XRRA1: variants seen among roughly 807,000 people sequenced by gnomAD.
XRRA1 encodes the protein X-ray radiation resistance associated 1.
In XRRA1, 69 loss-of-function variants were observed where a neutral mutation model predicts 80.2. That is an observed-to-expected ratio of 0.86 (90% CI 0.71 to 1.05). The LOEUF (loss-of-function observed/expected upper bound fraction) is 1.05, where lower values mean the gene tolerates loss of function less well. XRRA1 is among the 50% of genes least tolerant of loss of function. The probability of loss-of-function intolerance (pLI) is 0.00; values close to 1 mark genes in which losing one functional copy is unlikely to be tolerated. For missense variants in XRRA1, 967 were observed against 976.4 expected, an observed-to-expected ratio of 0.99 and a Z score of 0.13; for synonymous variants, 348 against 389.9, an observed-to-expected ratio of 0.89 and a Z score of 1.27.
chr11:74,853,100 T>A (rs2040274646), intron 12 of XRRA1, among the ~76,000 whole-genome samples: 1 of 152,228 alleles, frequency 6.6e-6, no homozygotes, highest in South Asian at 2.1e-4. Context: ...ACACAATTTC[T>A]GCCCTCAGAG....
rs573073703 is a variant in XRRA1 at position 74,876,109 on chromosome 11, TTAGTC to T, written c.1004-13093_1004-13089del. Among the ~76,000 whole-genome samples, 9 of 152,320 alleles carry T rather than the reference TTAGTC, an allele frequency of 5.9e-5. No individual in the cohort carries two copies. The South Asian group carries it at 1.7e-3, about 28-fold the overall frequency. On this transcript the variant is annotated intron_variant, in intron 10 of 18. Coordinates refer to ENST00000684022, the MANE Select transcript of XRRA1 (RefSeq NM_001378157.1). ...TTACTTAATGAAATAACTCCCCACT[TTAGTC>T]TACCTAAGTGCCTTCAAGGTCACAA...
At chr11:74,869,148 A>C (rs2044185982) in intron 10 of XRRA1, among the ~76,000 whole-genome samples, 1 of 152,198 alleles carries the variant, frequency 6.6e-6, no homozygotes, top group African/African-American at 2.4e-5. Context: ...CATACTAACC[A>C]CACTCTTGGA....
intron 8 of XRRA1, chr11:74,919,880 C>A: frequency 2.5e-6 from 1 of 399,406 alleles, no homozygotes; most frequent in South Asian, 2.2e-5. Flanking sequence ...GATGAAGATT[C>A]ACCAAATAAG....
chr11:74,927,547 T>C, intron 6 of XRRA1, 59 bp from the exon 7 acceptor site: 1 of 1,179,662 alleles, frequency 8.5e-7, no homozygotes, highest in Non-Finnish European at 1.3e-6. Context: ...GAGAAAGATA[T>C]TAATAATTAC....
intron 12 of XRRA1, among the ~76,000 whole-genome samples, chr11:74,858,867 A>C (rs2041711773): frequency 6.6e-6 from 1 of 152,154 alleles, no homozygotes; most frequent in Non-Finnish European, 1.5e-5. Context: ...TCTTCCTTAT[A>C]GGTGATAAGT....
chr11:74,947,620 T>C (rs559293022), intron 1 of XRRA1, among the ~76,000 whole-genome samples: 3 of 152,244 alleles, frequency 2.0e-5, no homozygotes, highest in African/African-American at 4.8e-5. Context: ...AAATGAGAAG[T>C]TGTAAAAGAT....
chr11:74,895,654 G>GAA (rs2052111586), intron 10 of XRRA1, among the ~76,000 whole-genome samples: 1 of 152,206 alleles, frequency 6.6e-6, no homozygotes, highest in African/African-American at 2.4e-5. Context: ...TTCACAGCAA[G>GAA]AAAAGTGTCT....
intron 8 of XRRA1, among the ~76,000 whole-genome samples, chr11:74,908,876 G>GCTA (rs1397000784): frequency 6.6e-6 from 1 of 152,120 alleles, no homozygotes; most frequent in Non-Finnish European, 1.5e-5. Context: ...AGTAGCTATA[G>GCTA]GCAGCCATGT....
At chr11:74,868,159 T>A (rs1397273407) in intron 10 of XRRA1, among the ~76,000 whole-genome samples, 2 of 152,152 alleles carry the variant, frequency 1.3e-5, no homozygotes, top group Non-Finnish European at 2.9e-5. Context: ...CCTCAAGTGA[T>A]CCACCTGCCT....
intron 4 of XRRA1, among the ~76,000 whole-genome samples, chr11:74,934,151 A>G (rs1387359444): frequency 6.6e-6 from 1 of 152,188 alleles, no homozygotes; most frequent in Non-Finnish European, 1.5e-5. Flanking sequence ...CCTCTTTTTA[A>G]TGAGAAAAAC....
chr11:74,868,638 G>A (rs541623877), intron 10 of XRRA1, among the ~76,000 whole-genome samples: 89 of 151,826 alleles, frequency 5.9e-4, no homozygotes, highest in African/African-American at 2.0e-3. Context: ...GAAAGCAAAC[G>A]GATGGAGAAA....
chr11:74,912,871 G>T (rs560251140), intron 8 of XRRA1, among the ~76,000 whole-genome samples: 1 of 152,190 alleles, frequency 6.6e-6, no homozygotes, highest in Admixed American at 6.5e-5. Flanking sequence ...GAACAACACA[G>T]ATATAGAACA....
At chr11:74,930,398 A>T (rs770776895) in intron 5 of XRRA1, 26 bp from the exon 6 acceptor site, 1 of 1,524,476 alleles carries the variant, frequency 6.6e-7, no homozygotes, top group South Asian at 1.3e-5. Flanking sequence ...TCAGAAAAAA[A>T]AAAAAATCCA....
At chr11:74,916,618 TTAA>T (rs919290635) in intron 8 of XRRA1, among the ~76,000 whole-genome samples, 5 of 151,916 alleles carry the variant, frequency 3.3e-5, no homozygotes, top group East Asian at 1.9e-4. Context: ...GACAGCTGTT[TTAA>T]AGTCTTTATC....
At chr11:74,904,843 A>C (rs2054237326) in intron 10 of XRRA1, among the ~76,000 whole-genome samples, 1 of 151,828 alleles carries the variant, frequency 6.6e-6, no homozygotes, top group Non-Finnish European at 1.5e-5. Context: ...CAACCTACCA[A>C]GATAAAAGTC....
At chr11:74,870,040 C>T (rs2044409908) in intron 10 of XRRA1, among the ~76,000 whole-genome samples, 1 of 152,176 alleles carries the variant, frequency 6.6e-6, no homozygotes, top group African/African-American at 2.4e-5. Flanking sequence ...AGTATAGGAG[C>T]AGACCCCAAA....
intron 10 of XRRA1, among the ~76,000 whole-genome samples, chr11:74,885,520 A>T (rs2048816141): frequency 6.6e-6 from 1 of 152,244 alleles, no homozygotes; most frequent in Non-Finnish European, 1.5e-5. Context: ...CTGAACCAGG[A>T]AGAAACTGAA....
At chr11:74,870,989 G>A (rs1385601547) in intron 10 of XRRA1, among the ~76,000 whole-genome samples, 1 of 152,154 alleles carries the variant, frequency 6.6e-6, no homozygotes, top group African/African-American at 2.4e-5. Context: ...CAGAACCACT[G>A]CCTAACAATA....
chr11:74,917,931 A>C (rs774082187), intron 8 of XRRA1, among the ~76,000 whole-genome samples: 2 of 151,516 alleles, frequency 1.3e-5, no homozygotes, highest in African/African-American at 4.9e-5. Flanking sequence ...TAGGTGACTG[A>C]TATTGTTTAT....
Sources: gnomAD v4.1 joint callset for allele counts (sites outside exome capture counted in the v4.1 genomes callset) on GRCh38, gnomAD v4.1.1 for gene constraint, MANE v1.5 for transcripts, NCBI Gene and HGNC (gene_info 2026-07-23, HGNC 2026-07-21) for gene names.